Variants in LHFPL2 observed in about 807,000 individuals in gnomAD.
LHFPL2 encodes LHFPL tetraspan subfamily member 2.
Under a neutral mutation model 17.5 loss-of-function variants are expected in LHFPL2, and 7 were observed. The observed-to-expected ratio is 0.40, with a 90% confidence interval of 0.23 to 0.75. The LOEUF is 0.75. LHFPL2 is among the 30% of genes least tolerant of loss of function. The pLI is 0.37. For synonymous variants in LHFPL2, 134 were observed against 116.2 expected (o/e 1.15, Z -0.99); for missense variants, 241 against 294.8 (o/e 0.82, Z 1.34).
At chr5:78,625,376 T>C (rs10037983) in intron 2 of LHFPL2, 44,945 of 151,988 alleles carry the variant, frequency 0.3, 6,811 homozygotes, top group Middle Eastern at 0.34. Context: ...TCCACAGTCA[T>C]CTTGATTCTT....
Position 78,486,796 on chromosome 5 carries a change from G to A in LHFPL2, c.*2101C>T, listed in dbSNP as rs936640081. On this transcript the variant is annotated 3_prime_UTR_variant, in exon 5 of 5. Transcript: ENST00000380345. ...AAAGAGCAGGTGATGGACATGCTCGGAGGATCCTGTGAGCTTAGGACTTAA... is the reference window on the plus strand; with the variant it reads ...AAAGAGCAGGTGATGGACATGCTCGAAGGATCCTGTGAGCTTAGGACTTAA... The A allele has an allele frequency of 1.3e-5, 2 of 152,214 alleles. No homozygotes were observed. Among genetic ancestry groups the A allele is most frequent in the African/African-American group, 4.8e-5 (2 of 41,458 alleles). 9.4% of individuals were successfully genotyped at this position (152,214 alleles called of 1,614,324 possible).
intron 3 of LHFPL2, among the ~76,000 whole-genome samples, chr5:78,527,945 T>C (rs1388313762): frequency 1.3e-5 from 2 of 152,212 alleles, no homozygotes; most frequent in African/African-American, 4.8e-5. Context: ...CATTGATCTC[T>C]ACTGTTTATT....
intron 2 of LHFPL2, among the ~76,000 whole-genome samples, chr5:78,604,479 C>T (rs955154968): frequency 2.0e-5 from 3 of 151,908 alleles, no homozygotes; most frequent in South Asian, 4.1e-4. Flanking sequence ...AGCAAGATCC[C>T]GTCTCAAAAA....
chr5:78,634,881 T>A (rs77205504), intron 1 of LHFPL2, among the ~76,000 whole-genome samples: 1 of 152,216 alleles, frequency 6.6e-6, no homozygotes, highest in Non-Finnish European at 1.5e-5. Flanking sequence ...TTATTTGTGA[T>A]AAGAATGGAA....
chr5:78,528,523 A>T (rs550089868), intron 3 of LHFPL2, among the ~76,000 whole-genome samples: 1 of 152,362 alleles, frequency 6.6e-6, no homozygotes, highest in Admixed American at 6.5e-5. Flanking sequence ...ATTGTCTTCC[A>T]CGAAACAGGT....
chr5:78,644,435 A>T, intron 1 of LHFPL2: 2 of 674,268 alleles, frequency 3.0e-6, no homozygotes, highest in East Asian at 5.5e-5. Context: ...GCTGCTTATC[A>T]TCTGCGGCAG....
chr5:78,531,190 C>T (rs1277033253), intron 3 of LHFPL2, among the ~76,000 whole-genome samples: 2 of 151,368 alleles, frequency 1.3e-5, no homozygotes, highest in African/African-American at 4.9e-5. Context: ...CTGAGGCAGG[C>T]GGATCACCTG....
chr5:78,595,698 T>G (rs1391565223), intron 2 of LHFPL2, among the ~76,000 whole-genome samples: 1 of 152,168 alleles, frequency 6.6e-6, no homozygotes, highest in Non-Finnish European at 1.5e-5. Context: ...ATTTTTTTTG[T>G]AAAGGCAGGG....
chr5:78,498,267 T>G (rs1001935684), intron 4 of LHFPL2, among the ~76,000 whole-genome samples: 1 of 151,982 alleles, frequency 6.6e-6, no homozygotes, highest in African/African-American at 2.4e-5. Flanking sequence ...CCTCTCAGGG[T>G]GGGGGTGTGT....
chr5:78,581,254 TC>T (rs900705413), intron 2 of LHFPL2, among the ~76,000 whole-genome samples: 5 of 152,328 alleles, frequency 3.3e-5, no homozygotes, highest in African/African-American at 1.2e-4. Context: ...CAATTTGACT[TC>T]CTCTTTTCCT....
At chr5:78,547,452 CTCTGGGCT>C (rs1245800823) in intron 3 of LHFPL2, among the ~76,000 whole-genome samples, 3 of 152,248 alleles carry the variant, frequency 2.0e-5, no homozygotes, top group Admixed American at 2.0e-4. Flanking sequence ...GATATCATTA[CTCTGGGCT>C]TCTGGAGGAG....
At chr5:78,619,796 A>G (rs1744773952) in intron 2 of LHFPL2, among the ~76,000 whole-genome samples, 3 of 121,214 alleles carry the variant, frequency 2.5e-5, no homozygotes, top group African/African-American at 6.2e-5. Flanking sequence ...GAGAATGATG[A>G]TTTCCAATTT....
At chr5:78,617,552 C>T (rs1219275202) in intron 2 of LHFPL2, among the ~76,000 whole-genome samples, 2 of 152,098 alleles carry the variant, frequency 1.3e-5, no homozygotes, top group Non-Finnish European at 2.9e-5. Flanking sequence ...CCAGGAGACA[C>T]ACTTTTTAGG....
At chr5:78,646,440 A>G (rs1002243542) in intron 1 of LHFPL2, among the ~76,000 whole-genome samples, 1 of 152,236 alleles carries the variant, frequency 6.6e-6, no homozygotes, top group Non-Finnish European at 1.5e-5. Context: ...AGTCCTGCAC[A>G]AAAGCAATCA....
chr5:78,523,450 A>G (rs1308671366), intron 3 of LHFPL2, among the ~76,000 whole-genome samples: 2 of 152,120 alleles, frequency 1.3e-5, no homozygotes, highest in Non-Finnish European at 1.5e-5. Context: ...GGGGTAGAAG[A>G]AGGCGGGAGG....
chr5:78,529,166 G>A (rs1202190666), intron 3 of LHFPL2, among the ~76,000 whole-genome samples: 3 of 152,062 alleles, frequency 2.0e-5, no homozygotes, highest in Non-Finnish European at 4.4e-5. Flanking sequence ...TGCGCCTGTA[G>A]TCCCAGCTAC....
intron 4 of LHFPL2, among the ~76,000 whole-genome samples, chr5:78,497,847 C>A (rs1401278347): frequency 2.6e-5 from 4 of 152,186 alleles, no homozygotes; most frequent in African/African-American, 9.7e-5. Flanking sequence ...GGAAATCACA[C>A]AGAAAAAAGT....
At chr5:78,635,075 G>T (rs910259444) in intron 1 of LHFPL2, among the ~76,000 whole-genome samples, 2 of 152,144 alleles carry the variant, frequency 1.3e-5, no homozygotes, top group African/African-American at 4.8e-5. Context: ...GTGCTTCTGT[G>T]TAAGTCCTCT....
intron 2 of LHFPL2, among the ~76,000 whole-genome samples, chr5:78,615,455 A>G (rs1156961308): frequency 6.6e-6 from 1 of 152,224 alleles, no homozygotes; most frequent in African/African-American, 2.4e-5. Flanking sequence ...AAAACAATCC[A>G]AATTTTTAAA....
Sources: allele counts gnomAD v4.1 joint callset (sites outside exome capture counted in the v4.1 genomes callset), GRCh38; gene constraint gnomAD v4.1.1; transcripts MANE v1.5; gene names NCBI Gene and HGNC (gene_info 2026-07-23, HGNC 2026-07-21).